Variants in NELL1 observed in about 807,000 individuals in gnomAD.
NELL1 encodes the protein protein kinase C-binding protein NELL1.
NELL1 carries 76 observed loss-of-function variants against 107.4 expected under a neutral mutation model. The observed-to-expected ratio is 0.71, with a 90% confidence interval of 0.59 to 0.86. The LOEUF is 0.86. Ranked by LOEUF, NELL1 falls within the 40% of genes least tolerant of loss-of-function variation. NELL1 has a pLI of 0.00. For missense variants in NELL1, 1,024 were observed against 1,005.5 expected, an observed-to-expected ratio of 1.02 and a Z score of -0.25; for synonymous variants, 353 against 341.2, an observed-to-expected ratio of 1.03 and a Z score of -0.38.
intron 11 of NELL1, 114 bp downstream of exon 11, chr11:20,947,549 G>A (rs1850989469): frequency 1.3e-6 from 1 of 744,254 alleles, no homozygotes; most frequent in African/African-American, 1.7e-5. Flanking sequence ...TCTGTGCGCT[G>A]CTCCTTAAAA....
intron 14 of NELL1, chr11:21,284,655 G>A (rs1165672527): frequency 7.7e-6 from 3 of 390,426 alleles, no homozygotes; most frequent in African/African-American, 2.1e-5. Context: ...TTTGATTGGT[G>A]GGGCAGGCCT....
chr11:21,393,007 TA>T (rs1851912302), intron 15 of NELL1, among the ~76,000 whole-genome samples: 1 of 147,980 alleles, frequency 6.8e-6, no homozygotes, highest in South Asian at 2.1e-4. Flanking sequence ...TTTTTTTTTT[TA>T]AGCAAGAGCT....
At position 20,903,120 on chromosome 11, in the gene NELL1, C is replaced by T. The variant is rs968317205; in HGVS notation, c.604-15062C>T. On this transcript the variant is annotated intron_variant, in intron 5 of 19. Transcript: ENST00000357134. ...TATTCAAAATGTTTAAAATGGCATA[C>T]TTTTTCAGGGTGATAATCCACATAT... 3.3e-5 allele frequency among the ~76,000 whole-genome samples: 5 copies of T among 151,908 alleles called. No individual in the cohort carries two copies. The South Asian group carries it at 8.3e-4, about 25-fold the overall frequency.
intron 12 of NELL1, among the ~76,000 whole-genome samples, chr11:20,988,888 G>A (rs1048180409): frequency 6.6e-6 from 1 of 151,934 alleles, no homozygotes; most frequent in South Asian, 2.1e-4. Context: ...GTGCCCGGCC[G>A]AGGTTTGCTA....
chr11:20,801,452 G>T (rs539909501), intron 3 of NELL1, among the ~76,000 whole-genome samples: 23 of 152,242 alleles, frequency 1.5e-4, no homozygotes, highest in Middle Eastern at 3.4e-3. Flanking sequence ...AGTTGTTTGA[G>T]CTCCTTACAT....
At chr11:20,690,030 T>C (rs958626789) in intron 2 of NELL1, among the ~76,000 whole-genome samples, 2 of 152,196 alleles carry the variant, frequency 1.3e-5, no homozygotes, top group African/African-American at 4.8e-5. Flanking sequence ...ATTTCTCTGA[T>C]GGCCAGTGAT....
Position 21,502,716 on chromosome 11 carries a change from C to A in NELL1, c.1646-31658C>A, listed in dbSNP as rs544222350. On this transcript the variant is annotated intron_variant, in intron 15 of 19. Transcript: ENST00000357134. Reference sequence around the variant, plus strand: ...GGCAAGTAGATGTATCACAGTGGCCCATTCTGGTTATACACACATCATTGT... The same window carrying A: ...GGCAAGTAGATGTATCACAGTGGCCAATTCTGGTTATACACACATCATTGT... Among the ~76,000 whole-genome samples, 13 of 152,206 alleles carry A rather than the reference C, an allele frequency of 8.5e-5. No individual in the cohort carries two copies. The South Asian group carries it at 2.7e-3, about 32-fold the overall frequency.
chr11:21,184,248 AT>A (rs1441230087), intron 13 of NELL1, among the ~76,000 whole-genome samples: 1 of 151,396 alleles, frequency 6.6e-6, no homozygotes, highest in Non-Finnish European at 1.5e-5. Flanking sequence ...TGGCATGCAA[AT>A]TGTTTGTTTA....
chr11:21,076,354 C>T (rs566752566), intron 12 of NELL1, among the ~76,000 whole-genome samples: 5 of 152,274 alleles, frequency 3.3e-5, no homozygotes, highest in South Asian at 4.2e-4. Flanking sequence ...AGGTTTGGGA[C>T]GTTGTTGGGA....
chr11:21,278,098 G>C (rs1407743212), intron 14 of NELL1, among the ~76,000 whole-genome samples: 1 of 151,934 alleles, frequency 6.6e-6, no homozygotes, highest in African/African-American at 2.4e-5. Flanking sequence ...ACCTATCATT[G>C]ATAAAAACCC....
At chr11:21,487,993 A>G (rs913952198) in intron 15 of NELL1, among the ~76,000 whole-genome samples, 2 of 152,184 alleles carry the variant, frequency 1.3e-5, no homozygotes, top group Admixed American at 6.5e-5. Context: ...ACAATTCTAA[A>G]TATATATACA....
At chr11:20,976,430 ACT>A (rs1851637358) in intron 12 of NELL1, among the ~76,000 whole-genome samples, 1 of 152,142 alleles carries the variant, frequency 6.6e-6, no homozygotes, top group African/African-American at 2.4e-5. Context: ...CTCCACTGTC[ACT>A]GAGTATTGAA....
intron 16 of NELL1, among the ~76,000 whole-genome samples, chr11:21,559,167 C>T (rs1171250719): frequency 6.6e-6 from 1 of 152,106 alleles, no homozygotes; most frequent in Non-Finnish European, 1.5e-5. Context: ...TTGTATTGCA[C>T]CATGTGCAAA....
At chr11:20,732,735 A>G (rs1737745498) in intron 2 of NELL1, among the ~76,000 whole-genome samples, 1 of 152,186 alleles carries the variant, frequency 6.6e-6, no homozygotes. Flanking sequence ...CAAGACAGAG[A>G]GAAAATCCTG....
intron 4 of NELL1, among the ~76,000 whole-genome samples, chr11:20,852,589 T>C (rs528764738): frequency 1.8e-4 from 28 of 152,144 alleles, no homozygotes; most frequent in Non-Finnish European, 3.1e-4. Context: ...ATGCATGACA[T>C]TGGTTTTATA....
intron 15 of NELL1, among the ~76,000 whole-genome samples, chr11:21,498,697 A>T (rs1421049428): frequency 6.6e-6 from 1 of 152,014 alleles, no homozygotes; most frequent in Non-Finnish European, 1.5e-5. Context: ...TCATCACAGG[A>T]TAGGACTATA....
At chr11:21,175,202 AG>A (rs1856686722) in intron 13 of NELL1, among the ~76,000 whole-genome samples, 1 of 151,646 alleles carries the variant, frequency 6.6e-6, no homozygotes, top group Non-Finnish European at 1.5e-5. Context: ...CTGCATTCTG[AG>A]TGGGTTTGTG....
chr11:20,748,490 G>T (rs980868291), intron 2 of NELL1, among the ~76,000 whole-genome samples: 1 of 152,156 alleles, frequency 6.6e-6, no homozygotes, highest in Non-Finnish European at 1.5e-5. Context: ...AGAGATTTTA[G>T]TGTACCCATC....
At chr11:21,274,699 C>A (rs1222906877) in intron 14 of NELL1, among the ~76,000 whole-genome samples, 2 of 152,180 alleles carry the variant, frequency 1.3e-5, no homozygotes, top group Non-Finnish European at 2.9e-5. Flanking sequence ...AACAAACTGT[C>A]TCTCAGGCCA....
Sources: allele counts gnomAD v4.1 joint callset (sites outside exome capture counted in the v4.1 genomes callset), GRCh38; gene constraint gnomAD v4.1.1; transcripts MANE v1.5; gene names NCBI Gene and HGNC (gene_info 2026-07-23, HGNC 2026-07-21).